UBE3C: variants seen among roughly 807,000 people sequenced by gnomAD.
UBE3C encodes the protein ubiquitin protein ligase E3C, also known as ubiquitin-protein ligase E3C.
Under a neutral mutation model 129.4 loss-of-function variants are expected in UBE3C, and 42 were observed. That is an observed-to-expected ratio of 0.32 (90% CI 0.25 to 0.42). UBE3C has a LOEUF of 0.42. UBE3C is among the 10% of genes least tolerant of loss of function. The pLI is 1.00. For synonymous variants in UBE3C, 510 were observed against 492.4 expected (o/e 1.04, Z -0.47); for missense variants, 1,049 against 1,319.1 (o/e 0.80, Z 3.17).
intron 10 of UBE3C, among the ~76,000 whole-genome samples, chr7:157,188,121 A>G (rs1410318871): frequency 6.6e-6 from 1 of 152,236 alleles, no homozygotes; most frequent in Admixed American, 6.5e-5. Flanking sequence ...GATACAGAGT[A>G]AAATATATGT....
At chr7:157,176,893 G>A (rs903632391) in intron 5 of UBE3C, among the ~76,000 whole-genome samples, 1 of 152,182 alleles carries the variant, frequency 6.6e-6, no homozygotes, top group Non-Finnish European at 1.5e-5. Context: ...GTTAGAAATT[G>A]TACTTCAAGT....
At chr7:157,192,720 G>A in intron 10 of UBE3C, 1 of 833,514 alleles carries the variant, frequency 1.2e-6, no homozygotes, top group Non-Finnish European at 2.1e-6. Context: ...CCTTCGTCGA[G>A]AGTGCCCTTC....
In UBE3C at chr7:157,171,686, ATTTTTTTTTTTTTT is replaced by A. The variant is rs77471740; in HGVS notation, c.342+1261_342+1274del. Among the ~76,000 whole-genome samples the A allele has an allele frequency of 1.1e-3, 40 of 37,584 alleles. 1 individual carries two copies. The highest frequency in any genetic ancestry group is 2.4e-3 in the African/African-American group (28 of 11,474). 24.7% of individuals were successfully genotyped at this position (37,584 alleles called of 152,430 possible). On this transcript the variant is annotated intron_variant, in intron 4 of 22. Transcript: ENST00000348165. ...TATATATATATATATATATATATATATTTTTTTTTTTTTTTTTTTTTTTTTTTTTTTTTTTTTTG... is the reference window on the plus strand; with the variant it reads ...TATATATATATATATATATATATATATTTTTTTTTTTTTTTTTTTTTTTTG...
intron 3 of UBE3C, among the ~76,000 whole-genome samples, chr7:157,169,447 C>T (rs1006485065): frequency 2.6e-5 from 4 of 151,504 alleles, no homozygotes; most frequent in African/African-American, 9.7e-5. Context: ...ATGATCTCGG[C>T]TCACTGCAAC....
At chr7:157,170,236 T>G in intron 3 of UBE3C, 68 bp from the exon 4 acceptor site, 1 of 1,317,206 alleles carries the variant, frequency 7.6e-7, no homozygotes, top group Non-Finnish European at 9.9e-7. Flanking sequence ...GCAACGTATA[T>G]TTACATCATA....
chr7:157,154,614 A>G (rs1359897858), intron 1 of UBE3C, among the ~76,000 whole-genome samples: 1 of 152,246 alleles, frequency 6.6e-6, no homozygotes, highest in African/African-American at 2.4e-5. Flanking sequence ...CAATGGATAC[A>G]TATAAATTGT....
At position 157,216,852 on chromosome 7, in the gene UBE3C, G is replaced by A. The variant is rs1403171616; in HGVS notation, c.1810-15G>A. ...GAGCTCACGTGTGTGACGCGGATAT[G>A]TTCTTTCTTTTCAGGTTATCACCAA... is the stretch of plus-strand genomic sequence containing the variant. On this transcript the variant is annotated splice_polypyrimidine_tract_variant and intron_variant, in intron 13 of 22. Coordinates refer to ENST00000348165, the MANE Select transcript of UBE3C (RefSeq NM_014671.3). 1.2e-6 allele frequency: 2 copies of A among 1,605,670 alleles called. No individual in the cohort carries two copies. The highest frequency in any genetic ancestry group is 2.2e-5 in the South Asian group (2 of 90,854).
At chr7:157,188,703 C>T (rs1808873794) in intron 10 of UBE3C, among the ~76,000 whole-genome samples, 1 of 152,156 alleles carries the variant, frequency 6.6e-6, no homozygotes. Flanking sequence ...AGAAACTACT[C>T]TAGGAATTTT....
At chr7:157,145,419 G>A (rs904542925) in intron 1 of UBE3C, among the ~76,000 whole-genome samples, 3 of 152,184 alleles carry the variant, frequency 2.0e-5, no homozygotes, top group Admixed American at 6.5e-5. Context: ...TCAGGAGGCT[G>A]AGGCAGGAGA....
intron 2 of UBE3C, among the ~76,000 whole-genome samples, chr7:157,168,696 C>T (rs1405293294): frequency 6.6e-6 from 1 of 152,204 alleles, no homozygotes; most frequent in Non-Finnish European, 1.5e-5. Flanking sequence ...AAACCAGACA[C>T]AGCATATTGT....
chr7:157,214,338 T>C (rs1809677315), intron 13 of UBE3C, among the ~76,000 whole-genome samples: 1 of 152,220 alleles, frequency 6.6e-6, no homozygotes, highest in African/African-American at 2.4e-5. Flanking sequence ...AGAAAATATA[T>C]GTTCTTATGA....
At chr7:157,223,900 A>T (rs568963725) in intron 16 of UBE3C, among the ~76,000 whole-genome samples, 8 of 152,208 alleles carry the variant, frequency 5.3e-5, no homozygotes, top group Non-Finnish European at 1.2e-4. Context: ...AGCCTGGGCA[A>T]CAAAGCCAGA....
chr7:157,231,355 C>A (rs191975732), intron 18 of UBE3C, 28 bp downstream of exon 18: 1,500 of 1,606,396 alleles, frequency 9.3e-4, no homozygotes, highest in Non-Finnish European at 1.2e-3. Context: ...TAAAAATAGA[C>A]CTCGGACCAA....
chr7:157,160,392 A>G (rs1207554628), intron 1 of UBE3C, among the ~76,000 whole-genome samples: 1 of 152,214 alleles, frequency 6.6e-6, no homozygotes, highest in Admixed American at 6.5e-5. Context: ...ATTTAACTTT[A>G]AAAATACAGT....
chr7:157,177,718 T>C (rs576927796), intron 5 of UBE3C, among the ~76,000 whole-genome samples: 3 of 152,172 alleles, frequency 2.0e-5, no homozygotes, highest in Non-Finnish European at 4.4e-5. Context: ...CCTCACCCCC[T>C]GTCTCTCCTG....
intron 13 of UBE3C, among the ~76,000 whole-genome samples, chr7:157,214,815 G>A (rs768675801): frequency 1.2e-4 from 19 of 152,166 alleles, no homozygotes; most frequent in Non-Finnish European, 2.2e-4. Context: ...AAGAATTAGT[G>A]TATTAGGTCA....
At chr7:157,222,726 T>C (rs1795771765) in intron 15 of UBE3C, 1 of 152,440 alleles carries the variant, frequency 6.6e-6, no homozygotes, top group Non-Finnish European at 1.5e-5. Flanking sequence ...GAAATGAGTT[T>C]TAAGAGGCCA....
At chr7:157,184,076 C>A (rs374920083) in intron 9 of UBE3C, 47 bp downstream of exon 9, 1 of 1,591,076 alleles carries the variant, frequency 6.3e-7, no homozygotes, top group Non-Finnish European at 8.6e-7. Context: ...CAGGCAGCCC[C>A]GTCGGATCTT....
chr7:157,177,532 CT>C (rs1205109822), intron 5 of UBE3C, among the ~76,000 whole-genome samples: 2 of 152,212 alleles, frequency 1.3e-5, no homozygotes, highest in African/African-American at 4.8e-5. Flanking sequence ...ACAAGAGGCT[CT>C]CCCACCGCCC....
Sources: gnomAD v4.1 joint callset for allele counts (sites outside exome capture counted in the v4.1 genomes callset) on GRCh38, gnomAD v4.1.1 for gene constraint, MANE v1.5 for transcripts, NCBI Gene and HGNC (gene_info 2026-07-23, HGNC 2026-07-21) for gene names.